PASD1: variants seen among roughly 807,000 people sequenced by gnomAD.
The protein encoded by PASD1 is circadian clock protein PASD1.
PASD1 carries 13 observed loss-of-function variants against 58.8 expected under a neutral mutation model. The observed-to-expected ratio is 0.22, with a 90% CI of 0.14 to 0.35. The LOEUF (loss-of-function observed/expected upper bound fraction) is 0.35, where lower values mean the gene tolerates loss of function less well. Among genes scored for constraint, PASD1 ranks in the 10% least tolerant of loss-of-function variants. The pLI, the probability that PASD1 is intolerant of heterozygous loss-of-function variation, is 1.00. For missense variants in PASD1, 734 were observed against 568.3 expected (o/e 1.29, Z -2.96); for synonymous variants, 236 against 216.7 (o/e 1.09, Z -0.78).
intron 8 of PASD1, among the ~76,000 whole-genome samples, chrX:151,634,333 C>T (rs1285110619): frequency 9.0e-6 from 1 of 110,749 alleles, no homozygotes; most frequent in African/African-American, 3.3e-5. Context: ...TGTGGAGATA[C>T]ACCTCTATTT....
intron 6 of PASD1, 110 bp downstream of exon 6, chrX:151,621,702 A>G: frequency 2.3e-6 from 1 of 426,503 alleles, no homozygotes; most frequent in Non-Finnish European, 3.8e-6. Context: ...TGATATCCCT[A>G]TGGCCACAGT....
At chrX:151,593,711 G>T (rs960798968) in intron 1 of PASD1, among the ~76,000 whole-genome samples, 2 of 111,288 alleles carry the variant, frequency 1.8e-5, no homozygotes, top group South Asian at 3.9e-4. Context: ...ACATATGTGT[G>T]CATGTGTCTT....
chrX:151,566,074 T>C (rs1475450611), intron 1 of PASD1, among the ~76,000 whole-genome samples: 2 of 112,442 alleles, frequency 1.8e-5, no homozygotes, highest in Non-Finnish European at 1.9e-5. Flanking sequence ...TTAACTCTCC[T>C]GGTTTTGGTT....
intron 1 of PASD1, among the ~76,000 whole-genome samples, chrX:151,589,985 C>T (rs749601538): frequency 2.7e-5 from 3 of 111,657 alleles, no homozygotes; most frequent in East Asian, 2.8e-4. Context: ...AAGTATTTTT[C>T]GTAATACAGA....
intron 1 of PASD1, among the ~76,000 whole-genome samples, chrX:151,582,107 C>G (rs1467871262): frequency 9.4e-6 from 1 of 106,930 alleles, no homozygotes; most frequent in Non-Finnish European, 1.9e-5. Context: ...CTGCCTCAGC[C>G]TCCCGAATAG....
chrX:151,570,557 G>A (rs1262047296), intron 1 of PASD1, among the ~76,000 whole-genome samples: 1 of 112,673 alleles, frequency 8.9e-6, no homozygotes, highest in African/African-American at 3.2e-5. Context: ...TGGCCAAGGA[G>A]CTACATAGTG....
chrX:151,612,331 C>T (rs1237238202), intron 4 of PASD1, among the ~76,000 whole-genome samples: 3 of 106,590 alleles, frequency 2.8e-5, no homozygotes, highest in Non-Finnish European at 5.8e-5. Context: ...GGTATATACC[C>T]AGTAATGGGA....
intron 1 of PASD1, among the ~76,000 whole-genome samples, chrX:151,599,321 C>G (rs1415384902): frequency 8.8e-6 from 1 of 113,161 alleles, no homozygotes; most frequent in Admixed American, 9.2e-5. Flanking sequence ...GGCCCGTTCT[C>G]AATGAGCTGT....
intron 3 of PASD1, among the ~76,000 whole-genome samples, chrX:151,609,804 T>A (rs377582435): frequency 0.38 from 38,719 of 101,265 alleles, 5,426 homozygotes; most frequent in Non-Finnish European, 0.42. Flanking sequence ...TTTCAGGGTG[T>A]TTTTTTTTTT....
intron 8 of PASD1, 80 bp from the exon 9 acceptor site, chrX:151,648,535 C>A (rs2014089871): frequency 3.3e-6 from 3 of 920,324 alleles, no homozygotes; most frequent in Middle Eastern, 2.7e-4. Flanking sequence ...TTATTTGAAC[C>A]TTTTTATTGT....
rs1283290845 is a variant in PASD1, at chrX:151,673,965, C to A, written c.1954C>A (p.Gln652Lys). The A allele has an allele frequency of 8.3e-7, 1 of 1,210,935 alleles. No homozygotes were observed. Among genetic ancestry groups the A allele is most frequent in the Non-Finnish European group, 1.1e-6 (1 of 894,552 alleles). ...GGCGTATCAAGGGCCCCCCGTGAAC[C>A]AGCTGCCATTGATAGATACCTCAAA... ...PEAYQGPPVN[Q>K]LPLIDTSNSE... Residue 652 changes from glutamine (Q) to lysine (K), a missense_variant, in exon 15 of 16, where the codon CAG (glutamine) becomes AAG (lysine). Transcript: ENST00000370357.
At chrX:151,611,058 C>T (rs1423159768) in intron 3 of PASD1, among the ~76,000 whole-genome samples, 1 of 111,725 alleles carries the variant, frequency 9.0e-6, no homozygotes, top group Admixed American at 9.5e-5. Context: ...AGTCTCAAGG[C>T]AAATACAGGG....
At chrX:151,641,044 G>A (rs1409882531) in intron 8 of PASD1, 2 of 111,221 alleles carry the variant, frequency 1.8e-5, no homozygotes, top group Non-Finnish European at 1.9e-5. Context: ...ATTGCTCTTC[G>A]GGGTACATCA....
At chrX:151,612,061 A>G (rs1297551386) in intron 4 of PASD1, among the ~76,000 whole-genome samples, 4 of 96,230 alleles carry the variant, frequency 4.2e-5, no homozygotes, top group Non-Finnish European at 8.2e-5. Context: ...GAGTGAGAAC[A>G]TGCGGTGTTT....
Position 151,664,135 on chromosome X carries a change from C to T in PASD1, c.858C>T (p.Asp286=), listed in dbSNP as rs1173126036. ...MPESPALSLQ[D]FRGEPEVNPL... Reference sequence around the variant, plus strand: ...CTTCCTCAGCCTTATCCTTGCAAGACTTTCGAGGTGAGCCTGAGGTGAATC... The same window carrying T: ...CTTCCTCAGCCTTATCCTTGCAAGATTTTCGAGGTGAGCCTGAGGTGAATC... The change falls in exon 11 of 16, where the codon GAC becomes GAT. Residue 286 remains aspartate (D), a synonymous_variant. Coordinates refer to ENST00000370357, the MANE Select transcript of PASD1 (RefSeq NM_173493.3). 1 of 1,209,500 alleles carries T rather than the reference C, an allele frequency of 8.3e-7. No individual in the cohort carries two copies. Among genetic ancestry groups the T allele is most frequent in the Non-Finnish European group, 1.1e-6 (1 of 895,198 alleles).
intron 1 of PASD1, among the ~76,000 whole-genome samples, chrX:151,587,396 GCA>G (rs1301609690): frequency 9.0e-6 from 1 of 110,687 alleles, no homozygotes; most frequent in Admixed American, 9.6e-5. Flanking sequence ...TTTCTACCAG[GCA>G]CAGTTTAGGG....
Position 151,666,960 on chromosome X carries a change from A to G in PASD1, c.1071+2612A>G, listed in dbSNP as rs1348156875. ...TTCTAGATCCTTGAGGAATTGCCAC[A>G]CTTTCTTCCACAATGGTTGAACTAG... On this transcript the variant is annotated intron_variant, in intron 11 of 15. Transcript: ENST00000370357. Among the ~76,000 whole-genome samples, 3 of 109,070 alleles carry G rather than the reference A, an allele frequency of 2.8e-5. No individual in the cohort carries two copies. In the Admixed American group the frequency reaches 3.0e-4, roughly 11 times the overall value. The allele number at this position is 109,070 out of a possible 115,157, so 94.7% of individuals were successfully genotyped here.
intron 7 of PASD1, 95 bp downstream of exon 7, chrX:151,623,159 T>C: frequency 9.9e-7 from 1 of 1,005,150 alleles, no homozygotes; most frequent in East Asian, 3.1e-5. Context: ...CTGGACAACA[T>C]TGCTAAATTA....
intron 1 of PASD1, among the ~76,000 whole-genome samples, chrX:151,574,209 G>T (rs2012967536): frequency 1.8e-5 from 2 of 112,469 alleles, no homozygotes; most frequent in Admixed American, 1.9e-4. Flanking sequence ...ACTGCCAACT[G>T]TGGGCACCTA....
Sources: gnomAD v4.1 joint callset for allele counts (sites outside exome capture counted in the v4.1 genomes callset) on GRCh38, gnomAD v4.1.1 for gene constraint, MANE v1.5 for transcripts, NCBI Gene and HGNC (gene_info 2026-07-23, HGNC 2026-07-21) for gene names.